The following FGGY variants were observed in gnomAD, a reference collection of about 807,000 sequenced individuals.
The protein encoded by FGGY is FGGY carbohydrate kinase domain containing, also known as FGGY carbohydrate kinase domain-containing protein.
Under a neutral mutation model 71.3 loss-of-function variants are expected in FGGY, and 72 were observed. The ratio of observed to expected loss-of-function variants is 1.01; its 90% CI spans 0.84 to 1.23. The LOEUF (loss-of-function observed/expected upper bound fraction) is 1.23. FGGY is among the 50% of genes most tolerant of loss of function. FGGY has a pLI of 0.00. For synonymous variants in FGGY, 251 were observed against 250.3 expected (o/e 1.00, Z -0.02); for missense variants, 668 against 682.3 (o/e 0.98, Z 0.23).
chr1:59,708,803 G>A (rs191545292), intron 14 of FGGY, among the ~76,000 whole-genome samples: 8 of 152,126 alleles, frequency 5.3e-5, no homozygotes, highest in Admixed American at 1.3e-4. Flanking sequence ...TCCAAAATCT[G>A]AAACTTTTTG....
At chr1:59,417,114 G>C (rs2064591394) in intron 5 of FGGY, among the ~76,000 whole-genome samples, 1 of 152,238 alleles carries the variant, frequency 6.6e-6, no homozygotes, top group African/African-American at 2.4e-5. Context: ...GTAGCAGTAA[G>C]TCCTCATATC....
intron 5 of FGGY, among the ~76,000 whole-genome samples, chr1:59,406,342 G>A (rs952076862): frequency 1.3e-5 from 2 of 151,908 alleles, no homozygotes; most frequent in Middle Eastern, 3.4e-3. Flanking sequence ...TGTCCTTTTC[G>A]AAGTCTACTC....
At chr1:59,426,149 C>T (rs7520470) in intron 5 of FGGY, among the ~76,000 whole-genome samples, 47,582 of 151,998 alleles carry the variant, frequency 0.31, 8,125 homozygotes, top group Middle Eastern at 0.47. Context: ...CCCCATTCTA[C>T]CTGAGCTTCC....
chr1:59,683,527 C>T (rs2097522083), intron 14 of FGGY, among the ~76,000 whole-genome samples: 2 of 152,212 alleles, frequency 1.3e-5, no homozygotes, highest in Admixed American at 1.3e-4. Flanking sequence ...TGTTACTCCA[C>T]GTTACAAGGC....
At chr1:59,403,617 A>G (rs2062288132) in intron 5 of FGGY, among the ~76,000 whole-genome samples, 1 of 152,214 alleles carries the variant, frequency 6.6e-6, no homozygotes, top group African/African-American at 2.4e-5. Context: ...GCAAAAGGAC[A>G]GCATATGGGA....
intron 4 of FGGY, among the ~76,000 whole-genome samples, chr1:59,369,325 G>A (rs553522251): frequency 8.9e-4 from 135 of 152,326 alleles, no homozygotes; most frequent in African/African-American, 3.1e-3. Context: ...ACAGCAGTCT[G>A]AGATCAAACT....
At chr1:59,487,500 C>T (rs615079) in intron 6 of FGGY, among the ~76,000 whole-genome samples, 6,535 of 152,260 alleles carry the variant, frequency 0.043, 488 homozygotes, top group African/African-American at 0.15. Flanking sequence ...CACAGTCTTT[C>T]CAAGCAGTTC....
intron 5 of FGGY, among the ~76,000 whole-genome samples, chr1:59,387,450 C>A (rs930511167): frequency 3.3e-5 from 5 of 151,932 alleles, no homozygotes; most frequent in African/African-American, 1.2e-4. Flanking sequence ...TTATATTTAT[C>A]AACCACTTAT....
intron 11 of FGGY, among the ~76,000 whole-genome samples, chr1:59,643,801 G>A (rs779594506): frequency 6.6e-6 from 1 of 152,170 alleles, no homozygotes; most frequent in East Asian, 1.9e-4. Context: ...ACAGTTCTTA[G>A]GTCAGAAGCT....
At chr1:59,702,583 A>G (rs2097718616) in intron 14 of FGGY, among the ~76,000 whole-genome samples, 1 of 152,204 alleles carries the variant, frequency 6.6e-6, no homozygotes, top group African/African-American at 2.4e-5. Flanking sequence ...TTCATAGAAG[A>G]GAGAGAGGCT....
chr1:59,600,982 C>CTTTTT (rs377505663), intron 8 of FGGY, among the ~76,000 whole-genome samples: 2 of 127,044 alleles, frequency 1.6e-5, no homozygotes, highest in Admixed American at 8.0e-5. Context: ...ATTCTCTATG[C>CTTTTT]TTTTTTTTTT....
At chr1:59,526,705 A>G (rs1356117723) in intron 7 of FGGY, among the ~76,000 whole-genome samples, 1 of 152,180 alleles carries the variant, frequency 6.6e-6, no homozygotes, top group Non-Finnish European at 1.5e-5. Context: ...CTTCATAATC[A>G]AGGAACATTT....
chr1:59,710,708 G>T (rs2097787761), intron 14 of FGGY, among the ~76,000 whole-genome samples: 1 of 152,166 alleles, frequency 6.6e-6, no homozygotes, highest in African/African-American at 2.4e-5. Flanking sequence ...CATCATCACT[G>T]CTCATTAGAG....
intron 11 of FGGY, chr1:59,641,242 T>A: frequency 6.5e-7 from 1 of 1,547,022 alleles, no homozygotes; most frequent in Non-Finnish European, 8.8e-7. Flanking sequence ...GCATTTTATC[T>A]TAATAATAAA....
chr1:59,708,292 G>C (rs1468933306), intron 14 of FGGY, among the ~76,000 whole-genome samples: 1 of 151,860 alleles, frequency 6.6e-6, no homozygotes, highest in Non-Finnish European at 1.5e-5. Context: ...GAACTAACCA[G>C]TCTAATGTGC....
intron 6 of FGGY, among the ~76,000 whole-genome samples, chr1:59,483,216 T>C (rs1198275744): frequency 6.6e-6 from 1 of 152,180 alleles, no homozygotes; most frequent in Middle Eastern, 3.2e-3. Context: ...TTGCCAAGTT[T>C]GTTGGTTAGC....
At chr1:59,576,931 T>C (rs2096090348) in intron 8 of FGGY, among the ~76,000 whole-genome samples, 2 of 152,206 alleles carry the variant, frequency 1.3e-5, no homozygotes, top group Non-Finnish European at 2.9e-5. Context: ...TCACTTGCCA[T>C]TGGATACTCA....
chr1:59,742,254 G>A (rs563368265), intron 14 of FGGY, among the ~76,000 whole-genome samples: 95 of 152,194 alleles, frequency 6.2e-4, no homozygotes, highest in African/African-American at 1.9e-3. Context: ...TCTTCCTTCC[G>A]CTACAGAAAT....
At chr1:59,586,785 T>G (rs966873956) in intron 8 of FGGY, among the ~76,000 whole-genome samples, 1 of 151,982 alleles carries the variant, frequency 6.6e-6, no homozygotes, top group Non-Finnish European at 1.5e-5. Context: ...GAAGGACTTC[T>G]TAGAGAAATG....
Sources: gnomAD v4.1 joint callset for allele counts (sites outside exome capture counted in the v4.1 genomes callset) on GRCh38, gnomAD v4.1.1 for gene constraint, MANE v1.5 for transcripts, NCBI Gene and HGNC (gene_info 2026-07-23, HGNC 2026-07-21) for gene names.